The following MEMO1 variants were observed in gnomAD, a reference collection of about 807,000 sequenced individuals.
MEMO1 encodes mediator of cell motility 1, also known as protein MEMO1.
Under a neutral mutation model 45.2 loss-of-function variants are expected in MEMO1, and 6 were observed. The ratio of observed to expected loss-of-function variants is 0.13; its 90% CI spans 0.07 to 0.26. The LOEUF is 0.26. Ranked by LOEUF, MEMO1 falls within the 10% of genes least tolerant of loss-of-function variation. MEMO1 has a pLI of 1.00. For missense variants in MEMO1, 184 were observed against 370.5 expected, an observed-to-expected ratio of 0.50 and a Z score of 4.13; for synonymous variants, 78 against 124.3, an observed-to-expected ratio of 0.63 and a Z score of 2.48.
At chr2:31,919,934 GCA>G (rs1445656350) in intron 5 of MEMO1, among the ~76,000 whole-genome samples, 2 of 123,060 alleles carry the variant, frequency 1.6e-5, no homozygotes, top group African/African-American at 6.2e-5. Flanking sequence ...ACATGCACAT[GCA>G]CACACACATA....
intron 2 of MEMO1, among the ~76,000 whole-genome samples, chr2:31,958,016 T>A (rs1319764628): frequency 6.6e-6 from 1 of 152,152 alleles, no homozygotes; most frequent in African/African-American, 2.4e-5. Context: ...CCTCTGCCCT[T>A]ATAACTGGCC....
chr2:31,871,436 T>C (rs1240820913), intron 8 of MEMO1, among the ~76,000 whole-genome samples: 1 of 152,158 alleles, frequency 6.6e-6, no homozygotes, highest in Non-Finnish European at 1.5e-5. Context: ...AATTTAATTC[T>C]ATAAAAAAAC....
intron 2 of MEMO1, among the ~76,000 whole-genome samples, chr2:31,954,846 A>G (rs1013934847): frequency 2.6e-5 from 4 of 152,000 alleles, no homozygotes; most frequent in Non-Finnish European, 5.9e-5. Flanking sequence ...AAAAAAAAAA[A>G]AAAGAAAGAT....
At chr2:31,954,382 G>A (rs1017144664) in intron 2 of MEMO1, among the ~76,000 whole-genome samples, 5 of 152,066 alleles carry the variant, frequency 3.3e-5, no homozygotes, top group Admixed American at 1.3e-4. Context: ...CCAGAAGTTC[G>A]TGACCAGCTT....
intron 4 of MEMO1, among the ~76,000 whole-genome samples, chr2:31,923,067 T>C (rs937773299): frequency 3.3e-5 from 5 of 152,154 alleles, no homozygotes; most frequent in South Asian, 4.1e-4. Flanking sequence ...TCCACAATGA[T>C]TGAATCAATT....
At chr2:31,994,205 C>T (rs1398078848) in intron 2 of MEMO1, among the ~76,000 whole-genome samples, 4 of 150,212 alleles carry the variant, frequency 2.7e-5, no homozygotes, top group African/African-American at 9.8e-5. Context: ...AGGTGATCTG[C>T]CCACCTCGCC....
In MEMO1 at chr2:31,975,487, C is replaced by T. The variant is rs1020331855; in HGVS notation, c.62-32104G>A. 9.9e-5 allele frequency among the ~76,000 whole-genome samples: 15 copies of T among 152,152 alleles called. 1 individual carries two copies. Among genetic ancestry groups the T allele is most frequent in the Admixed American group, 9.8e-4 (15 of 15,264 alleles). ...TTGAACCCATTCTCTATCTCCTAGA[C>T]ACATGGGAGGTGCCACCCAGATCTC... On this transcript the variant is annotated intron_variant, in intron 2 of 9. Coordinates refer to ENST00000404530, the MANE Select transcript of MEMO1 (RefSeq NM_001301833.4).
chr2:31,870,020 T>C lies in MEMO1; in HGVS notation c.658-68A>G. On this transcript the variant is annotated intron_variant, in intron 8 of 9. Transcript: ENST00000404530. ...GAAGACAATATTTATTATTTCCTAA[T>C]TATATTTTAAAACTGTTACTTAAAC... The C allele has an allele frequency of 3.3e-6, 4 of 1,202,210 alleles. No individual in the cohort carries two copies. In the South Asian group the frequency reaches 8.0e-5, roughly 24 times the overall value. 74.5% of individuals were successfully genotyped at this position (1,202,210 alleles called of 1,614,324 possible).
intron 6 of MEMO1, among the ~76,000 whole-genome samples, chr2:31,908,116 A>C (rs1346809515): frequency 1.3e-5 from 2 of 152,190 alleles, no homozygotes; most frequent in African/African-American, 4.8e-5. Flanking sequence ...TGGGTCATTC[A>C]ATAATTCATT....
At chr2:32,009,613 C>CGGGCGCGG (rs1321088685) in intron 2 of MEMO1, among the ~76,000 whole-genome samples, 2 of 152,208 alleles carry the variant, frequency 1.3e-5, no homozygotes, top group African/African-American at 2.4e-5. Context: ...TCTCCGGCTG[C>CGGGCGCGG]GGGCGCGGGG....
intron 2 of MEMO1, among the ~76,000 whole-genome samples, chr2:31,964,408 C>T (rs950628921): frequency 6.6e-6 from 1 of 152,078 alleles, no homozygotes; most frequent in Non-Finnish European, 1.5e-5. Context: ...ATAAAAATCA[C>T]CGAGTAGGCC....
chr2:31,885,772 G>A (rs1043348695), intron 7 of MEMO1, among the ~76,000 whole-genome samples: 10 of 152,092 alleles, frequency 6.6e-5, no homozygotes, highest in Non-Finnish European at 1.2e-4. Context: ...CCTGAAACTG[G>A]GACATAATCT....
At chr2:31,931,133 A>G (rs763166144) in intron 4 of MEMO1, among the ~76,000 whole-genome samples, 1 of 152,196 alleles carries the variant, frequency 6.6e-6, no homozygotes, top group Non-Finnish European at 1.5e-5. Context: ...TATTTTTAGT[A>G]AAAACTTGCT....
At chr2:31,901,236 G>C (rs1006287146) in intron 6 of MEMO1, among the ~76,000 whole-genome samples, 10 of 151,810 alleles carry the variant, frequency 6.6e-5, no homozygotes, top group Non-Finnish European at 1.3e-4. Flanking sequence ...AGCCGGGTGT[G>C]GTGGCACACG....
At chr2:31,933,197 G>A (rs1008572631) in intron 3 of MEMO1, among the ~76,000 whole-genome samples, 9 of 150,590 alleles carry the variant, frequency 6.0e-5, no homozygotes, top group African/African-American at 2.2e-4. Context: ...GCACATGCCT[G>A]TAGTCCCAGC....
In MEMO1 at chr2:31,939,612, T is replaced by C. The variant is rs375358015; in HGVS notation, c.143+3690A>G. ...ACCATAATAGTCAAATACCAGCAAA[T>C]TGATGAAATGAGAATGTCTCTCGTG... On this transcript the variant is annotated intron_variant, in intron 3 of 9. Coordinates refer to ENST00000404530, the MANE Select transcript of MEMO1 (RefSeq NM_001301833.4). Among the ~76,000 whole-genome samples, 238 of 152,290 alleles carry C rather than the reference T, an allele frequency of 1.6e-3. 8 individuals are homozygous for C. In the South Asian group the frequency reaches 0.046, roughly 29 times the overall value.
intron 2 of MEMO1, among the ~76,000 whole-genome samples, chr2:31,982,798 T>C (rs1670807476): frequency 6.6e-6 from 1 of 151,864 alleles, no homozygotes; most frequent in Non-Finnish European, 1.5e-5. Flanking sequence ...ATTGAACAAA[T>C]AGGTAAAATG....
intron 2 of MEMO1, among the ~76,000 whole-genome samples, chr2:31,976,569 C>T (rs755616267): frequency 1.3e-5 from 2 of 149,618 alleles, no homozygotes; most frequent in Admixed American, 1.3e-4. Context: ...CAGAGCAAGA[C>T]TGTCTCAAAA....
At chr2:31,932,996 A>C (rs1664368598) in intron 3 of MEMO1, among the ~76,000 whole-genome samples, 1 of 152,168 alleles carries the variant, frequency 6.6e-6, no homozygotes, top group Non-Finnish European at 1.5e-5. Flanking sequence ...TATATGAAAA[A>C]ATAGAGATAT....
Sources: gnomAD v4.1 joint callset for allele counts (sites outside exome capture counted in the v4.1 genomes callset) on GRCh38, gnomAD v4.1.1 for gene constraint, MANE v1.5 for transcripts, NCBI Gene and HGNC (gene_info 2026-07-23, HGNC 2026-07-21) for gene names.